CCDC171: variants seen among roughly 807,000 people sequenced by gnomAD.
CCDC171 encodes the protein coiled-coil domain-containing protein 171.
In CCDC171, 177 loss-of-function variants were observed where a neutral mutation model predicts 168.2. The observed-to-expected ratio is 1.05, with a 90% CI of 0.93 to 1.19. The LOEUF (loss-of-function observed/expected upper bound fraction) is 1.19. Ranked by LOEUF, CCDC171 falls within the 50% of genes most tolerant of loss-of-function variation. The pLI is 0.00. For missense variants in CCDC171, 1,991 were observed against 1,539.0 expected (o/e 1.29, Z -4.91); for synonymous variants, 687 against 540.8 (o/e 1.27, Z -3.75).
chr9:15,565,002 G>A (rs1360733308), intron 2 of CCDC171, among the ~76,000 whole-genome samples: 2 of 151,928 alleles, frequency 1.3e-5, no homozygotes, highest in Non-Finnish European at 1.5e-5. Flanking sequence ...GCAAGGATGT[G>A]TGGGTGGGAC....
chr9:15,645,178 G>C (rs2046942523), intron 7 of CCDC171, among the ~76,000 whole-genome samples: 1 of 152,170 alleles, frequency 6.6e-6, no homozygotes, highest in Non-Finnish European at 1.5e-5. Flanking sequence ...TGCAGCTGAG[G>C]GTCCTGTTAG....
At chr9:16,029,918 T>A (rs571880442) in intron 6 of CCDC171, among the ~76,000 whole-genome samples, 1 of 152,304 alleles carries the variant, frequency 6.6e-6, no homozygotes, top group South Asian at 2.1e-4. Flanking sequence ...GTTTATAAAC[T>A]GGAATTTATT....
chr9:15,948,046 A>G lies in CCDC171; in HGVS notation c.3754-23563A>G, dbSNP rs373024121. ...TGTGTCCATGTGTTCTCATTGTTCA[A>G]TTCCCACCTATGAGTGAGAATATGT... On this transcript the variant is annotated intron_variant, in intron 25 of 25. Coordinates refer to ENST00000380701, the MANE Select transcript of CCDC171 (RefSeq NM_173550.4). Among the ~76,000 whole-genome samples, 347 of 150,598 alleles carry G rather than the reference A, an allele frequency of 2.3e-3. 5 individuals carry two copies. The highest frequency in any genetic ancestry group is 7.0e-3 in the African/African-American group (285 of 40,946).
intron 9 of CCDC171, among the ~76,000 whole-genome samples, chr9:15,676,204 G>A (rs140620103): frequency 2.4e-4 from 36 of 152,196 alleles, no homozygotes; most frequent in African/African-American, 7.9e-4. Flanking sequence ...AAATTCTCGT[G>A]CTGTGTTTTT....
At chr9:15,812,614 A>T (rs1429873434) in intron 21 of CCDC171, among the ~76,000 whole-genome samples, 1 of 152,196 alleles carries the variant, frequency 6.6e-6, no homozygotes, top group Admixed American at 6.5e-5. Flanking sequence ...AAGATAAAGG[A>T]TAAAGAAGAA....
At chr9:16,031,117 T>G (rs918463672) in intron 6 of CCDC171, among the ~76,000 whole-genome samples, 2 of 152,198 alleles carry the variant, frequency 1.3e-5, no homozygotes, top group Non-Finnish European at 2.9e-5. Flanking sequence ...TCTTCTTTCT[T>G]GAATGCTGGT....
chr9:15,751,356 T>C lies in CCDC171; in HGVS notation c.2671+5725T>C, dbSNP rs574159005. Among the ~76,000 whole-genome samples the C allele has an allele frequency of 6.0e-4, 92 of 152,264 alleles. 1 individual carries two copies. The highest frequency in any genetic ancestry group is 2.2e-3 in the African/African-American group (92 of 41,562). On this transcript the variant is annotated intron_variant, in intron 18 of 25. Coordinates refer to ENST00000380701, the MANE Select transcript of CCDC171 (RefSeq NM_173550.4). ...GTGAAAATGGCCATACTGCCCAAAA[T>C]AATTTATAGATTCAGTGCTATCCTC...
downstream of CCDC171, among the ~76,000 whole-genome samples, chr9:15,976,057 T>G (rs543511978): frequency 1.3e-5 from 2 of 152,026 alleles, no homozygotes; most frequent in Non-Finnish European, 2.9e-5. Flanking sequence ...AGTCCAGACT[T>G]AAGGCTTTCA....
the CCDC171 span, among the ~76,000 whole-genome samples, chr9:16,100,174 C>G: frequency 6.6e-6 from 1 of 152,040 alleles, no homozygotes; most frequent in Non-Finnish European, 1.5e-5. Flanking sequence ...TGTGTGCAGC[C>G]AAAACTCAGC....
At chr9:15,959,981 C>T (rs1341955445) in intron 25 of CCDC171, among the ~76,000 whole-genome samples, 7 of 152,272 alleles carry the variant, frequency 4.6e-5, no homozygotes, top group Non-Finnish European at 8.8e-5. Context: ...AGCAAGCCCC[C>T]TAATACATTG....
intron 1 of CCDC171, among the ~76,000 whole-genome samples, chr9:16,059,615 CG>C (rs1327501957): frequency 6.8e-6 from 1 of 147,732 alleles, no homozygotes; most frequent in Non-Finnish European, 1.5e-5. Flanking sequence ...CCCAGGTTCA[CG>C]CCATTCTCCT....
At position 15,912,626 on chromosome 9, in the gene CCDC171, G is replaced by A. The variant is rs564566787; in HGVS notation, c.3601-7644G>A. Among the ~76,000 whole-genome samples the A allele has an allele frequency of 6.6e-5, 10 of 152,298 alleles. No homozygotes were observed. The South Asian group carries it at 1.7e-3, about 25-fold the overall frequency. ...TCCTTGTCTTGTGCTAGTTTTCAAA[G>A]GGAATGCTTCCGGTTTTTGCCCATT... On this transcript the variant is annotated intron_variant, in intron 24 of 25. Transcript: ENST00000380701.
At chr9:15,860,380 T>C (rs2061509999) in intron 23 of CCDC171, among the ~76,000 whole-genome samples, 4 of 151,910 alleles carry the variant, frequency 2.6e-5, no homozygotes, top group African/African-American at 9.7e-5. Context: ...CTTTCTTTTT[T>C]TTAATGTAGG....
At chr9:15,799,009 G>T (rs1018458824) in intron 21 of CCDC171, among the ~76,000 whole-genome samples, 8 of 150,800 alleles carry the variant, frequency 5.3e-5, no homozygotes, top group Admixed American at 1.3e-4. Context: ...TTGTGTTGTT[G>T]TCATAGATTT....
intron 3 of CCDC171, among the ~76,000 whole-genome samples, chr9:15,577,181 C>T (rs1396434692): frequency 6.6e-6 from 1 of 152,176 alleles, no homozygotes; most frequent in Non-Finnish European, 1.5e-5. Context: ...TTGTTCATAA[C>T]CTTATCTGCC....
At chr9:15,835,847 T>TA (rs1190398788) in intron 21 of CCDC171, among the ~76,000 whole-genome samples, 7 of 152,228 alleles carry the variant, frequency 4.6e-5, no homozygotes, top group African/African-American at 1.7e-4. Flanking sequence ...TTTTTAAGTG[T>TA]ACCTATTTAC....
intron 3 of CCDC171, among the ~76,000 whole-genome samples, chr9:16,019,834 A>G (rs1167790084): frequency 6.6e-6 from 1 of 152,218 alleles, no homozygotes; most frequent in East Asian, 1.9e-4. Flanking sequence ...CAAGGGTATC[A>G]AAGGGAAAGT....
At chr9:15,746,250 A>C (rs761046223) in intron 18 of CCDC171, among the ~76,000 whole-genome samples, 1 of 152,248 alleles carries the variant, frequency 6.6e-6, no homozygotes, top group Non-Finnish European at 1.5e-5. Context: ...ATTAATTGTT[A>C]AAATTGTGTA....
intron 24 of CCDC171, among the ~76,000 whole-genome samples, chr9:15,908,263 C>G (rs1360038522): frequency 6.6e-6 from 1 of 152,170 alleles, no homozygotes; most frequent in Non-Finnish European, 1.5e-5. Context: ...CCCAAATGTC[C>G]AACCATGATA....
Sources: allele counts gnomAD v4.1 joint callset (sites outside exome capture counted in the v4.1 genomes callset), GRCh38; gene constraint gnomAD v4.1.1; transcripts MANE v1.5; gene names NCBI Gene and HGNC (gene_info 2026-07-23, HGNC 2026-07-21).